MSANTD4: variants seen among roughly 807,000 people sequenced by gnomAD.
MSANTD4 encodes Myb/SANT DNA binding domain containing 4 with coiled-coils.
A neutral mutation model predicts 34.3 loss-of-function variants in MSANTD4; 13 were observed. The ratio of observed to expected loss-of-function variants is 0.38; its 90% CI spans 0.25 to 0.60. MSANTD4 has a LOEUF of 0.60. MSANTD4 is among the 20% of genes least tolerant of loss of function. The pLI, the probability that MSANTD4 is intolerant of heterozygous loss-of-function variation, is 0.63. For missense variants in MSANTD4, 358 were observed against 401.8 expected (o/e 0.89, Z 0.93); for synonymous variants, 137 against 145.2 (o/e 0.94, Z 0.41).
In MSANTD4 at chr11:106,008,193, C is replaced by G. The variant is rs1003617700; in HGVS notation, c.*1342G>C. 4 of 152,514 alleles carry G rather than the reference C, an allele frequency of 2.6e-5. No homozygotes were observed. The highest frequency in any genetic ancestry group is 9.7e-5 in the African/African-American group (4 of 41,410). The allele number at this position is 152,514 out of a possible 1,614,324, so 9.4% of individuals were successfully genotyped here. A position where few individuals can be genotyped will look rare whatever the true frequency, so the allele number is the denominator to read the frequency against. On this transcript the variant is annotated 3_prime_UTR_variant, in exon 3 of 3. Transcript: ENST00000301919. Reference sequence around the variant, plus strand: ...TCAACTTTAGTGTGTATCAGAATCACTTGGATTGTGGAAAAAGCACCTTCA... The same window carrying G: ...TCAACTTTAGTGTGTATCAGAATCAGTTGGATTGTGGAAAAAGCACCTTCA...
intron 1 of MSANTD4, among the ~76,000 whole-genome samples, chr11:106,013,342 T>C (rs1334123484): frequency 1.3e-5 from 2 of 152,090 alleles, no homozygotes; most frequent in Admixed American, 6.6e-5. Context: ...TTCCTGTCAA[T>C]ATGAAAAAAA....
At position 106,010,028 on chromosome 11, in the gene MSANTD4, T is replaced by C; in HGVS notation, c.545A>G (p.His182Arg). ...RRENELPDFP[H>R]IDEFFTLNST... ...GTTAAGGGTAAAAAACTCATCAATG[T>C]GGGGGAAATCGGGAAGTTCATTTTC... The change falls in exon 3 of 3, where the codon CAC becomes CGC. Residue 182 changes from histidine (H) to arginine (R), a missense_variant. Coordinates refer to ENST00000301919, the MANE Select transcript of MSANTD4 (RefSeq NM_032424.3). The C allele has an allele frequency of 6.2e-7, 1 of 1,603,206 alleles. No individual in the cohort carries two copies. The highest frequency in any genetic ancestry group is 8.5e-7 in the Non-Finnish European group (1 of 1,179,790).
chr11:106,016,789 A>C lies in MSANTD4; in HGVS notation c.-151+4173T>G, dbSNP rs540039326. On this transcript the variant is annotated intron_variant, in intron 1 of 2. Transcript: ENST00000301919. Reference sequence around the variant, plus strand: ...AGTTAACAGGTTATTCAAAATTCTGAAGAAAAATCTTCAGCTAACAGGCTA... The same window carrying C: ...AGTTAACAGGTTATTCAAAATTCTGCAGAAAAATCTTCAGCTAACAGGCTA... 1.1e-4 allele frequency among the ~76,000 whole-genome samples: 17 copies of C among 152,326 alleles called. No homozygotes were observed. In the South Asian group the frequency reaches 2.1e-3, roughly 19 times the overall value.
In MSANTD4 at chr11:106,021,456, T is replaced by A. The variant is rs989366191; in HGVS notation, c.-645A>T. ...GAGAATGAAGTTCCTAGATACTTCA[T>A]GATAAGTCAGAATTAAGAAGTCTGA... On this transcript the variant is annotated 5_prime_UTR_variant, in exon 1 of 3. An upstream start codon of the reference 5' UTR is lost. Transcript: ENST00000301919. 6.6e-6 allele frequency: 1 copy of A among 152,174 alleles called. No individual in the cohort carries two copies. The highest frequency in any genetic ancestry group is 1.5e-5 in the Non-Finnish European group (1 of 68,010). 9.4% of individuals were successfully genotyped at this position (152,174 alleles called of 1,614,324 possible).
chr11:106,019,298 T>C (rs1225904648), intron 1 of MSANTD4, among the ~76,000 whole-genome samples: 1 of 152,212 alleles, frequency 6.6e-6, no homozygotes, highest in East Asian at 1.9e-4. Flanking sequence ...ATATGTAATT[T>C]TAAATCCCCA....
chr11:106,016,971 T>C (rs1462248524), intron 1 of MSANTD4, among the ~76,000 whole-genome samples: 4 of 152,202 alleles, frequency 2.6e-5, no homozygotes, highest in African/African-American at 9.6e-5. Flanking sequence ...TAAAGATAAA[T>C]TTTGGTTTCC....
Position 106,009,483 on chromosome 11 carries a change from A to G in MSANTD4, c.*52T>C, listed in dbSNP as rs1005127549. 1 of 1,503,302 alleles carries G rather than the reference A, an allele frequency of 6.7e-7. No homozygotes were observed. The allele number at this position is 1,503,302 out of a possible 1,614,324, so 93.1% of individuals were successfully genotyped here. A position where few individuals can be genotyped will look rare whatever the true frequency, so the allele number is the denominator to read the frequency against. Reference sequence around the variant, plus strand: ...AGCAACCATCATTATATCACCTGATATGAGAAAAATCTAGAGTTTTCAAAC... The same window carrying G: ...AGCAACCATCATTATATCACCTGATGTGAGAAAAATCTAGAGTTTTCAAAC... On this transcript the variant is annotated 3_prime_UTR_variant, in exon 3 of 3. Transcript: ENST00000301919.
chr11:106,014,723 T>C (rs1183337548), intron 1 of MSANTD4, among the ~76,000 whole-genome samples: 5 of 152,256 alleles, frequency 3.3e-5, no homozygotes, highest in Admixed American at 3.3e-4. Flanking sequence ...CTTGGTATTC[T>C]TTCTTCAGCT....
In MSANTD4 at chr11:106,008,366, A is replaced by ACTT. The variant is rs1859588832; in HGVS notation, c.*1166_*1168dup. The ACTT allele has an allele frequency of 6.6e-6, 1 of 152,252 alleles. No homozygotes were observed. The highest frequency in any genetic ancestry group is 1.5e-5 in the Non-Finnish European group (1 of 68,040). 9.4% of individuals were successfully genotyped at this position (152,252 alleles called of 1,614,324 possible). A position where few individuals can be genotyped will look rare whatever the true frequency, so the allele number is the denominator to read the frequency against. ...GAAGATCAGCCATTTACTCTGTGTC[A>ACTT]CTTCTCTGAGCTTCACATTCAGAAA... On this transcript the variant is annotated 3_prime_UTR_variant, in exon 3 of 3. Coordinates refer to ENST00000301919, the MANE Select transcript of MSANTD4 (RefSeq NM_032424.3).
intron 1 of MSANTD4, among the ~76,000 whole-genome samples, chr11:106,012,832 A>T (rs1403939416): frequency 6.6e-6 from 1 of 152,160 alleles, no homozygotes; most frequent in Non-Finnish European, 1.5e-5. Flanking sequence ...TTCAAGCCTT[A>T]CATAAGTGCA....
intron 1 of MSANTD4, among the ~76,000 whole-genome samples, chr11:106,020,235 G>C (rs1859987466): frequency 6.6e-6 from 1 of 152,190 alleles, no homozygotes; most frequent in Admixed American, 6.5e-5. Context: ...TTATAAAACA[G>C]ACTAATGAGG....
At chr11:106,020,626 T>C (rs1387734046) in intron 1 of MSANTD4, among the ~76,000 whole-genome samples, 2 of 152,204 alleles carry the variant, frequency 1.3e-5, no homozygotes, top group Non-Finnish European at 2.9e-5. Context: ...GAAGTACCAC[T>C]GAGTCAATAT....
chr11:106,016,629 G>A (rs1189898841), intron 1 of MSANTD4, among the ~76,000 whole-genome samples: 3 of 152,148 alleles, frequency 2.0e-5, no homozygotes, highest in Non-Finnish European at 4.4e-5. Flanking sequence ...AAGTAAGTCA[G>A]GAAAACTGAA....
At position 106,009,867 on chromosome 11, in the gene MSANTD4, C is replaced by A; in HGVS notation, c.706G>T (p.Glu236Ter). The A allele has an allele frequency of 6.2e-7, 1 of 1,613,796 alleles. No homozygotes were observed. Among genetic ancestry groups the A allele is most frequent in the Non-Finnish European group, 8.5e-7 (1 of 1,179,956 alleles). The change falls in exon 3 of 3, where the codon GAG becomes TAG. Residue 236 changes from glutamate (E) to a stop codon, truncating the protein, a stop_gained. Transcript: ENST00000301919. LOFTEE classifies it high-confidence loss of function. ...LQVEKERLQI[E>*]KERLRHLDME... ...TCTAAATGCCGCAGCCTCTCTTTCTCGATTTGTAGGCGTTCCTTTTCTACC... is the reference window on the plus strand; with the variant it reads ...TCTAAATGCCGCAGCCTCTCTTTCTAGATTTGTAGGCGTTCCTTTTCTACC...
chr11:106,011,017 T>C lies in MSANTD4; in HGVS notation c.-100A>G. 6.9e-7 allele frequency: 1 copy of C among 1,439,488 alleles called. No homozygotes were observed. The highest frequency in any genetic ancestry group is 1.5e-5 in the South Asian group (1 of 65,936). The allele number at this position is 1,439,488 out of a possible 1,614,324, so 89.2% of individuals were successfully genotyped here. A position where few individuals can be genotyped will look rare whatever the true frequency, so the allele number is the denominator to read the frequency against. The stretch of plus-strand genomic sequence containing the variant: ...GGGATAATTCTTTGCTGGCCCTTAG[T>C]TCAAATCATTGTCTTCCATTCATCT... On this transcript the variant is annotated 5_prime_UTR_variant, in exon 2 of 3. Transcript: ENST00000301919.
At position 106,021,686 on chromosome 11, in the gene MSANTD4, A is replaced by G. The variant is rs989252070; in HGVS notation, c.-875T>C. ...CTTCTCTAAAACTCGTGGTAGGTGCATAACAAGTATACTTATGGGTCGACG... is the reference window on the plus strand; with the variant it reads ...CTTCTCTAAAACTCGTGGTAGGTGCGTAACAAGTATACTTATGGGTCGACG... On this transcript the variant is annotated 5_prime_UTR_variant, in exon 1 of 3. It removes an upstream start codon present in the reference 5' UTR. Transcript: ENST00000301919. 2 of 152,194 alleles carry G rather than the reference A, an allele frequency of 1.3e-5. No individual in the cohort carries two copies. Among genetic ancestry groups the G allele is most frequent in the African/African-American group, 4.8e-5 (2 of 41,432 alleles). The allele number at this position is 152,194 out of a possible 1,614,324, so 9.4% of individuals were successfully genotyped here.
At chr11:106,012,159 A>AT in intron 1 of MSANTD4, among the ~76,000 whole-genome samples, 1 of 134,488 alleles carries the variant, frequency 7.4e-6, no homozygotes, top group South Asian at 2.4e-4. Flanking sequence ...AAAAAAAAAA[A>AT]TGATCACTCA....
In MSANTD4 at chr11:106,010,112, T is replaced by C. The variant is rs200213533; in HGVS notation, c.463-2A>G. 1.6e-5 allele frequency: 25 copies of C among 1,552,756 alleles called. No individual in the cohort carries two copies. In the African/African-American group the frequency reaches 3.3e-4, roughly 20 times the overall value. On this transcript the variant is annotated splice_acceptor_variant, in intron 2 of 2. Coordinates refer to ENST00000301919, the MANE Select transcript of MSANTD4 (RefSeq NM_032424.3). LOFTEE classifies it high-confidence loss of function. ...TTCTTCCTCCTCCTCAATTTCAAAC[T>C]AAGAGCAAAGAGAAAAGCAATTTTC...
At chr11:106,014,648 C>T (rs1859794345) in intron 1 of MSANTD4, among the ~76,000 whole-genome samples, 1 of 152,192 alleles carries the variant, frequency 6.6e-6, no homozygotes, top group African/African-American at 2.4e-5. Flanking sequence ...TATTTTTAAA[C>T]TTAATAACAA....
Sources: gnomAD v4.1 joint callset for allele counts (sites outside exome capture counted in the v4.1 genomes callset) on GRCh38, gnomAD v4.1.1 for gene constraint, MANE v1.5 for transcripts, NCBI Gene and HGNC (gene_info 2026-07-23, HGNC 2026-07-21) for gene names.